The following PDGFD variants were observed in gnomAD, a reference collection of about 807,000 sequenced individuals.
PDGFD encodes the protein platelet derived growth factor D.
In PDGFD, 30 loss-of-function variants were observed where a neutral mutation model predicts 44.7. The ratio of observed to expected loss-of-function variants is 0.67; its 90% CI spans 0.50 to 0.91. The LOEUF (loss-of-function observed/expected upper bound fraction) is 0.91. Ranked by LOEUF, PDGFD falls within the 40% of genes least tolerant of loss-of-function variation. PDGFD has a pLI of 0.00. For synonymous variants in PDGFD, 173 were observed against 168.4 expected (o/e 1.03, Z -0.21); for missense variants, 445 against 457.8 (o/e 0.97, Z 0.25).
At chr11:104,063,115 G>A (rs1323375663) in intron 1 of PDGFD, among the ~76,000 whole-genome samples, 2 of 152,084 alleles carry the variant, frequency 1.3e-5, no homozygotes, top group Non-Finnish European at 2.9e-5. Flanking sequence ...CTGCTAAATA[G>A]TACAGAATGA....
chr11:104,018,382 T>G (rs1393617309), intron 1 of PDGFD, among the ~76,000 whole-genome samples: 1 of 152,202 alleles, frequency 6.6e-6, no homozygotes, highest in African/African-American at 2.4e-5. Flanking sequence ...TAAATATGTT[T>G]GATTTTCCAT....
At chr11:103,973,208 G>A (rs1864711836) in intron 3 of PDGFD, among the ~76,000 whole-genome samples, 1 of 147,036 alleles carries the variant, frequency 6.8e-6, no homozygotes, top group Admixed American at 6.9e-5. Context: ...GCACGATCTT[G>A]GCTCACTGCA....
At chr11:103,940,074 C>G (rs1236680440) in intron 5 of PDGFD, among the ~76,000 whole-genome samples, 1 of 151,982 alleles carries the variant, frequency 6.6e-6, no homozygotes, top group Admixed American at 6.6e-5. Context: ...TCTCTCTTTC[C>G]TCACCAAAAC....
At position 104,002,590 on chromosome 11, in the gene PDGFD, A is replaced by G. The variant is rs187211177; in HGVS notation, c.125-2335T>C. 5.4e-3 allele frequency among the ~76,000 whole-genome samples: 830 copies of G among 152,320 alleles called. 3 individuals carry two copies. Among genetic ancestry groups the G allele is most frequent in the Middle Eastern group, 0.01 (3 of 294 alleles). On this transcript the variant is annotated intron_variant, in intron 1 of 6. Coordinates refer to ENST00000393158, the MANE Select transcript of PDGFD (RefSeq NM_025208.5). ...TCAGGTAGTTCTTTATAACAGTGTGAAAAATGACTAACACAGGTCTGAACA... is the reference window on the plus strand; with the variant it reads ...TCAGGTAGTTCTTTATAACAGTGTGGAAAATGACTAACACAGGTCTGAACA...
intron 3 of PDGFD, among the ~76,000 whole-genome samples, chr11:103,964,517 A>C (rs1227947101): frequency 6.6e-6 from 1 of 152,140 alleles, no homozygotes; most frequent in Non-Finnish European, 1.5e-5. Flanking sequence ...GCACTCTAAC[A>C]TATGCTTTAA....
chr11:104,091,592 T>C (rs891704231), intron 1 of PDGFD, among the ~76,000 whole-genome samples: 4 of 152,172 alleles, frequency 2.6e-5, no homozygotes, highest in African/African-American at 9.7e-5. Context: ...CTTTAATGAG[T>C]CAGTTTTCAC....
chr11:104,038,019 G>A (rs756117981), intron 1 of PDGFD: 2 of 1,605,566 alleles, frequency 1.2e-6, no homozygotes, highest in South Asian at 1.1e-5. Flanking sequence ...ATTAAAGCAC[G>A]TTATAAATAT....
At chr11:103,939,069 T>C (rs1334362754) in intron 5 of PDGFD, among the ~76,000 whole-genome samples, 2 of 152,124 alleles carry the variant, frequency 1.3e-5, no homozygotes, top group Non-Finnish European at 2.9e-5. Flanking sequence ...AACTTTAAAG[T>C]AGTTTTTTCC....
rs1298771812 is a variant in PDGFD at position 104,036,860 on chromosome 11, C to G, written c.125-36605G>C. 5 of 1,614,112 alleles carry G rather than the reference C, an allele frequency of 3.1e-6. No homozygotes were observed. In the East Asian group the frequency reaches 6.7e-5, roughly 22 times the overall value. ...GTGTACTGCGTGCGGAGGGACCTCT[C>G]CGAGGTCACCTTCTCTCTCCAGGTC... On this transcript the variant is annotated intron_variant, in intron 1 of 6. Coordinates refer to ENST00000393158, the MANE Select transcript of PDGFD (RefSeq NM_025208.5).
intron 1 of PDGFD, among the ~76,000 whole-genome samples, chr11:104,016,945 T>A (rs1259993503): frequency 6.6e-6 from 1 of 152,226 alleles, no homozygotes; most frequent in Non-Finnish European, 1.5e-5. Context: ...AATATTTCTC[T>A]GCTATAGTCT....
At chr11:103,935,478 TAGC>T (rs1307417117) in intron 5 of PDGFD, among the ~76,000 whole-genome samples, 2 of 152,136 alleles carry the variant, frequency 1.3e-5, no homozygotes, top group Non-Finnish European at 2.9e-5. Context: ...AAGAAAAGCT[TAGC>T]AGAAAAAACA....
intron 1 of PDGFD, chr11:104,037,719 T>C (rs1860275860): frequency 6.2e-7 from 1 of 1,614,018 alleles, no homozygotes; most frequent in African/African-American, 1.3e-5. Flanking sequence ...AGAGAATTAT[T>C]GGCCGTGTTC....
At chr11:103,967,220 T>C (rs1859033817) in intron 3 of PDGFD, among the ~76,000 whole-genome samples, 2 of 152,188 alleles carry the variant, frequency 1.3e-5, no homozygotes, top group South Asian at 4.1e-4. Flanking sequence ...CTGTTTTCAC[T>C]CTGTATATTG....
intron 1 of PDGFD, among the ~76,000 whole-genome samples, chr11:104,012,684 C>T (rs1859800960): frequency 6.6e-6 from 1 of 152,176 alleles, no homozygotes; most frequent in Non-Finnish European, 1.5e-5. Flanking sequence ...ATTATACTAG[C>T]CTAAATCTTA....
At chr11:104,030,416 C>A (rs924076603) in intron 1 of PDGFD, among the ~76,000 whole-genome samples, 1 of 152,178 alleles carries the variant, frequency 6.6e-6, no homozygotes, top group Non-Finnish European at 1.5e-5. Flanking sequence ...GAAATCTTCA[C>A]GAACTCTAAA....
chr11:103,927,851 C>T (rs956003820), intron 5 of PDGFD, among the ~76,000 whole-genome samples: 3 of 152,192 alleles, frequency 2.0e-5, no homozygotes, highest in African/African-American at 7.2e-5. Context: ...CTTCTGCTTC[C>T]TCATCTATAA....
intron 3 of PDGFD, among the ~76,000 whole-genome samples, chr11:103,958,270 CTT>C (rs1858887436): frequency 6.6e-6 from 1 of 152,160 alleles, no homozygotes; most frequent in Non-Finnish European, 1.5e-5. Flanking sequence ...TCTCTGTACT[CTT>C]TCATCTTTGT....
chr11:104,020,581 T>A (rs1257006974), intron 1 of PDGFD, among the ~76,000 whole-genome samples: 1 of 152,156 alleles, frequency 6.6e-6, no homozygotes, highest in African/African-American at 2.4e-5. Context: ...TAGAATATGA[T>A]AGAAGAGGCA....
intron 1 of PDGFD, among the ~76,000 whole-genome samples, chr11:104,118,815 T>G (rs1178822768): frequency 1.1e-4 from 5 of 43,502 alleles, no homozygotes; most frequent in African/African-American, 3.2e-4. Context: ...ATATAATATA[T>G]TATATATTAT....
Sources: allele counts gnomAD v4.1 joint callset (sites outside exome capture counted in the v4.1 genomes callset), GRCh38; gene constraint gnomAD v4.1.1; transcripts MANE v1.5; gene names NCBI Gene and HGNC (gene_info 2026-07-23, HGNC 2026-07-21).